RFX3: variants seen among roughly 807,000 people sequenced by gnomAD.
RFX3 encodes the protein regulatory factor X3.
A neutral mutation model predicts 98.6 loss-of-function variants in RFX3; 14 were observed. That is an observed-to-expected ratio of 0.14 (90% CI 0.09 to 0.22). The LOEUF is 0.22. Among genes scored for constraint, RFX3 ranks in the 10% least tolerant of loss-of-function variants. The probability of loss-of-function intolerance (pLI) is 1.00; values close to 1 mark genes in which losing one functional copy is unlikely to be tolerated. For synonymous variants in RFX3, 383 were observed against 328.4 expected (o/e 1.17, Z -1.80); for missense variants, 639 against 926.9 (o/e 0.69, Z 4.03).
At chr9:3,318,447 A>T (rs931488505) in intron 4 of RFX3, among the ~76,000 whole-genome samples, 1 of 152,060 alleles carries the variant, frequency 6.6e-6, no homozygotes, top group African/African-American at 2.4e-5. Flanking sequence ...GGTGCAGCAC[A>T]CCAACATGGC....
At chr9:3,286,060 A>G (rs1329461670) in intron 7 of RFX3, among the ~76,000 whole-genome samples, 2 of 151,794 alleles carry the variant, frequency 1.3e-5, no homozygotes, top group African/African-American at 4.8e-5. Context: ...ATGGGCTTCA[A>G]CTGTCTTAGG....
At chr9:3,471,059 T>TTA (rs1245797709) in intron 1 of RFX3, among the ~76,000 whole-genome samples, 3 of 152,202 alleles carry the variant, frequency 2.0e-5, no homozygotes, top group African/African-American at 7.2e-5. Flanking sequence ...GTGATGTTGA[T>TTA]TATTTTATAC....
chr9:3,505,021 AT>A (rs1368827744), intron 1 of RFX3, among the ~76,000 whole-genome samples: 1 of 85,362 alleles, frequency 1.2e-5, no homozygotes, highest in Non-Finnish European at 2.0e-5. Flanking sequence ...ATAATAAAAT[AT>A]TTTAAATAAT....
intron 1 of RFX3, among the ~76,000 whole-genome samples, chr9:3,482,934 A>T (rs1318128387): frequency 6.6e-6 from 1 of 152,136 alleles, no homozygotes; most frequent in Non-Finnish European, 1.5e-5. Flanking sequence ...ACACAGTATA[A>T]TGGGAATTCT....
intron 14 of RFX3, among the ~76,000 whole-genome samples, chr9:3,254,463 T>C (rs1281157839): frequency 2.6e-5 from 4 of 152,146 alleles, no homozygotes; most frequent in African/African-American, 9.7e-5. Context: ...GGAGCACATA[T>C]ACCACTTACG....
In RFX3 at chr9:3,225,289, AC is replaced by A; in HGVS notation, c.2012-10del. The A allele has an allele frequency of 6.2e-7, 1 of 1,612,462 alleles. No individual in the cohort carries two copies. Among genetic ancestry groups the A allele is most frequent in the Non-Finnish European group, 8.5e-7 (1 of 1,179,664 alleles). ...TACTTCACTGCCTTCATCTGCACAA[AC>A]AAATAATACCAAGACTATCATCGAA... On this transcript the variant is annotated splice_polypyrimidine_tract_variant and intron_variant, in intron 16 of 16. Coordinates refer to ENST00000617270, the MANE Select transcript of RFX3 (RefSeq NM_001282116.2).
intron 3 of RFX3, among the ~76,000 whole-genome samples, chr9:3,334,067 C>T (rs992848032): frequency 5.9e-5 from 9 of 152,026 alleles, no homozygotes; most frequent in African/African-American, 9.7e-5. Context: ...GGAATCTACA[C>T]TTAATGTATA....
At chr9:3,320,828 G>T (rs567765961) in intron 4 of RFX3, among the ~76,000 whole-genome samples, 1 of 136,878 alleles carries the variant, frequency 7.3e-6, no homozygotes, top group Non-Finnish European at 1.5e-5. Flanking sequence ...TTATCTAGGG[G>T]CTACATGTAA....
chr9:3,270,098 G>GAAAGAAAGAAAT (rs1160332345), intron 11 of RFX3, among the ~76,000 whole-genome samples: 14 of 13,826 alleles, frequency 1.0e-3, no homozygotes, highest in Admixed American at 1.9e-3. Flanking sequence ...AAGAAAGAAA[G>GAAAGAAAGAAAT]AAAGAAAGAA....
At chr9:3,498,298 C>T (rs1395534975) in intron 1 of RFX3, among the ~76,000 whole-genome samples, 2 of 152,152 alleles carry the variant, frequency 1.3e-5, no homozygotes, top group South Asian at 4.1e-4. Flanking sequence ...TGCTCCACTA[C>T]TTATTAGTTC....
At chr9:3,399,441 T>C (rs1272727978) in intron 1 of RFX3, among the ~76,000 whole-genome samples, 1 of 151,716 alleles carries the variant, frequency 6.6e-6, no homozygotes, top group Non-Finnish European at 1.5e-5. Flanking sequence ...CAAAACTCCG[T>C]CTCAAAACAA....
intron 1 of RFX3, among the ~76,000 whole-genome samples, chr9:3,499,698 C>A (rs1256286730): frequency 2.0e-5 from 3 of 152,012 alleles, no homozygotes; most frequent in Non-Finnish European, 2.9e-5. Flanking sequence ...TTTAAATAAG[C>A]CTTTTTCATA....
intron 1 of RFX3, among the ~76,000 whole-genome samples, chr9:3,443,633 C>T (rs529162129): frequency 6.6e-6 from 1 of 152,254 alleles, no homozygotes; most frequent in African/African-American, 2.4e-5. Flanking sequence ...GATTCCATGG[C>T]TTTGCTATTG....
intron 1 of RFX3, among the ~76,000 whole-genome samples, chr9:3,498,124 A>G (rs893877576): frequency 6.6e-6 from 1 of 152,028 alleles, no homozygotes; most frequent in African/African-American, 2.4e-5. Flanking sequence ...TATCTGAATT[A>G]ATCTCCTTTT....
intron 1 of RFX3, among the ~76,000 whole-genome samples, chr9:3,481,508 A>C (rs1239925550): frequency 6.6e-6 from 1 of 152,050 alleles, no homozygotes; most frequent in Admixed American, 6.6e-5. Context: ...TCTAATATTT[A>C]ACCTATCTAA....
At chr9:3,258,530 T>C (rs1822429800) in intron 13 of RFX3, among the ~76,000 whole-genome samples, 1 of 152,114 alleles carries the variant, frequency 6.6e-6, no homozygotes, top group African/African-American at 2.4e-5. Flanking sequence ...CTACTGTTTC[T>C]TCTATATCTC....
At chr9:3,245,661 G>C (rs1001505110) in intron 15 of RFX3, among the ~76,000 whole-genome samples, 3 of 152,156 alleles carry the variant, frequency 2.0e-5, no homozygotes, top group African/African-American at 7.2e-5. Flanking sequence ...TACTGAGAAA[G>C]AGCCATTAGT....
intron 4 of RFX3, among the ~76,000 whole-genome samples, chr9:3,327,963 A>G (rs1832120394): frequency 6.6e-6 from 1 of 152,218 alleles, no homozygotes; most frequent in Admixed American, 6.5e-5. Flanking sequence ...AGCTGGATTA[A>G]ACAATTTGGT....
intron 15 of RFX3, among the ~76,000 whole-genome samples, chr9:3,239,448 T>C (rs1324746999): frequency 6.6e-6 from 1 of 152,250 alleles, no homozygotes; most frequent in Admixed American, 6.5e-5. Flanking sequence ...TGTTGTGGGC[T>C]AGACAGCTAT....
Sources: gnomAD v4.1 joint callset for allele counts (sites outside exome capture counted in the v4.1 genomes callset) on GRCh38, gnomAD v4.1.1 for gene constraint, MANE v1.5 for transcripts, NCBI Gene and HGNC (gene_info 2026-07-23, HGNC 2026-07-21) for gene names.